The following STK31 variants were observed in gnomAD, a reference collection of about 807,000 sequenced individuals.
STK31 encodes the protein serine/threonine-protein kinase 31.
In STK31, 89 loss-of-function variants were observed where a neutral mutation model predicts 129.7. The ratio of observed to expected loss-of-function variants is 0.69; its 90% confidence interval spans 0.58 to 0.82. The LOEUF (loss-of-function observed/expected upper bound fraction) is 0.82, where lower values mean the gene tolerates loss of function less well. STK31 is among the 40% of genes least tolerant of loss of function. The pLI, the probability that STK31 is intolerant of heterozygous loss-of-function variation, is 0.00. For missense variants in STK31, 1,187 were observed against 1,176.4 expected (o/e 1.01, Z -0.13); for synonymous variants, 448 against 395.3 (o/e 1.13, Z -1.58).
chr7:23,764,604 G>C (rs1789696018), intron 11 of STK31, among the ~76,000 whole-genome samples: 1 of 151,910 alleles, frequency 6.6e-6, no homozygotes, highest in South Asian at 2.1e-4. Flanking sequence ...TGTATTCTCG[G>C]TTTTCTTGGT....
At chr7:23,778,308 T>C (rs1584430688) in intron 15 of STK31, among the ~76,000 whole-genome samples, 1 of 152,168 alleles carries the variant, frequency 6.6e-6, no homozygotes, top group Non-Finnish European at 1.5e-5. Flanking sequence ...CTGACAATTA[T>C]GTGTCTTGGG....
At chr7:23,787,362 C>G (rs1312682391) in intron 20 of STK31, among the ~76,000 whole-genome samples, 1 of 152,114 alleles carries the variant, frequency 6.6e-6, no homozygotes, top group East Asian at 1.9e-4. Flanking sequence ...TCTCTTATAG[C>G]TACTTTACAT....
chr7:23,769,946 T>C (rs992539295), intron 13 of STK31, among the ~76,000 whole-genome samples, 190 bp downstream of exon 13: 2 of 152,198 alleles, frequency 1.3e-5, no homozygotes, highest in Admixed American at 1.3e-4. Flanking sequence ...CCATGCAAAG[T>C]CTTATTCTTA....
At position 23,724,336 on chromosome 7, in the gene STK31, C is replaced by G. The variant is rs149027120; in HGVS notation, c.250-2905C>G. ...TGCGGAAGGAGGTTGGGTAAGGAGC[C>G]CTTAGTGTCTTGTAAATTAAGGGGT... On this transcript the variant is annotated intron_variant, in intron 4 of 23. Coordinates refer to ENST00000355870, the MANE Select transcript of STK31 (RefSeq NM_031414.5). Among the ~76,000 whole-genome samples, 1,436 of 152,194 alleles carry G rather than the reference C, an allele frequency of 9.4e-3. 14 individuals are homozygous for G. The highest frequency in any genetic ancestry group is 0.027 in the Middle Eastern group (8 of 294).
intron 6 of STK31, among the ~76,000 whole-genome samples, chr7:23,735,054 G>A (rs766757004): frequency 3.3e-5 from 5 of 152,114 alleles, no homozygotes; most frequent in South Asian, 2.1e-4. Context: ...GAATTTGTTC[G>A]TATTTTGTGC....
intron 11 of STK31, among the ~76,000 whole-genome samples, chr7:23,768,006 C>T (rs548926214): frequency 4.5e-4 from 69 of 152,038 alleles, no homozygotes; most frequent in African/African-American, 1.6e-3. Context: ...TTCTTTATTA[C>T]ATTAAAAAAT....
chr7:23,795,406 G>T (rs759104273), intron 22 of STK31, among the ~76,000 whole-genome samples: 14 of 152,230 alleles, frequency 9.2e-5, no homozygotes, highest in Non-Finnish European at 1.8e-4. Context: ...GTATGGAAAT[G>T]CCTGGATGTC....
At chr7:23,825,607 G>T (rs895096648) in intron 23 of STK31, among the ~76,000 whole-genome samples, 3 of 152,094 alleles carry the variant, frequency 2.0e-5, no homozygotes, top group Admixed American at 1.3e-4. Context: ...CTTCAGTTCT[G>T]CTCTAATCTT....
intron 4 of STK31, among the ~76,000 whole-genome samples, chr7:23,718,470 G>GA (rs1297928866): frequency 9.9e-5 from 15 of 152,046 alleles, no homozygotes; most frequent in Non-Finnish European, 1.8e-4. Flanking sequence ...TATCATTTCA[G>GA]AAAATTCCTT....
At chr7:23,760,177 A>G (rs899346355) in intron 10 of STK31, among the ~76,000 whole-genome samples, 5 of 152,096 alleles carry the variant, frequency 3.3e-5, no homozygotes, top group African/African-American at 1.2e-4. Context: ...TTTCTTGTAA[A>G]CCATTCCCTA....
In STK31 at chr7:23,712,243, T is replaced by C. The variant is rs757182686; in HGVS notation, c.107T>C (p.Val36Ala). ...TGTGATTTGATTTTAGTGGAAGATGTGGTTGGAAGTCACATAGAAGATGCA... is the reference window on the plus strand; with the variant it reads ...TGTGATTTGATTTTAGTGGAAGATGCGGTTGGAAGTCACATAGAAGATGCA... ...EDTHYDKVED[V>A]VGSHIEDAVT... The change falls in exon 3 of 24, where the codon GTG (valine) becomes GCG (alanine). Residue 36 changes from valine to alanine, a missense_variant. Physicochemically the swap from Val to Ala is moderately conservative, Grantham distance 64. Transcript: ENST00000355870. The C allele has an allele frequency of 1.9e-6, 3 of 1,614,106 alleles. No individual in the cohort carries two copies. Among genetic ancestry groups the C allele is most frequent in the Non-Finnish European group, 2.5e-6 (3 of 1,179,998 alleles).
intron 8 of STK31, among the ~76,000 whole-genome samples, chr7:23,744,154 A>T (rs1353208380): frequency 9.9e-5 from 15 of 151,902 alleles, no homozygotes. Context: ...CCCTGAGCTC[A>T]AGTGATCCTC....
chr7:23,731,466 A>T (rs1787429533), intron 6 of STK31, among the ~76,000 whole-genome samples: 1 of 152,206 alleles, frequency 6.6e-6, no homozygotes, highest in Non-Finnish European at 1.5e-5. Context: ...AGTTTGGTAG[A>T]GATAAGTATT....
At chr7:23,797,273 C>A (rs1792031474) in intron 22 of STK31, among the ~76,000 whole-genome samples, 1 of 152,182 alleles carries the variant, frequency 6.6e-6, no homozygotes, top group Non-Finnish European at 1.5e-5. Flanking sequence ...ACCTAATAGA[C>A]ACCTACAGAA....
At chr7:23,793,634 G>T (rs1001838914) in intron 22 of STK31, among the ~76,000 whole-genome samples, 1 of 152,166 alleles carries the variant, frequency 6.6e-6, no homozygotes, top group Non-Finnish European at 1.5e-5. Context: ...TGTGAAAGAT[G>T]CTCTGAACAC....
chr7:23,803,045 C>G (rs935577838), intron 22 of STK31, among the ~76,000 whole-genome samples: 1 of 152,018 alleles, frequency 6.6e-6, no homozygotes, highest in Non-Finnish European at 1.5e-5. Context: ...AGATTTATAC[C>G]TAAGAATTTC....
intron 8 of STK31, among the ~76,000 whole-genome samples, chr7:23,747,585 G>T (rs1376104693): frequency 1.3e-5 from 2 of 151,754 alleles, no homozygotes; most frequent in Admixed American, 6.6e-5. Context: ...AGCCAGGATG[G>T]TCTCAATCTC....
At chr7:23,819,327 A>G (rs1319879540) in intron 23 of STK31, among the ~76,000 whole-genome samples, 1 of 152,158 alleles carries the variant, frequency 6.6e-6, no homozygotes, top group Non-Finnish European at 1.5e-5. Context: ...GTTTTTTGCT[A>G]CTTTCTGGAG....
At chr7:23,809,440 T>C (rs1017194604) in intron 22 of STK31, among the ~76,000 whole-genome samples, 2 of 152,204 alleles carry the variant, frequency 1.3e-5, no homozygotes, top group Non-Finnish European at 2.9e-5. Context: ...GAGATCATGT[T>C]ATGTGCTTTT....
Sources: allele counts gnomAD v4.1 joint callset (sites outside exome capture counted in the v4.1 genomes callset), GRCh38; gene constraint gnomAD v4.1.1; transcripts MANE v1.5; gene names NCBI Gene and HGNC (gene_info 2026-07-23, HGNC 2026-07-21).